Variants in CDH23 observed in about 807,000 individuals in gnomAD.
The protein encoded by CDH23 is cadherin-23.
In CDH23, 189 loss-of-function variants were observed where a neutral mutation model predicts 317.1. The ratio of observed to expected loss-of-function variants is 0.60; its 90% CI spans 0.53 to 0.67. The LOEUF is 0.67. Among genes scored for constraint, CDH23 ranks in the 30% least tolerant of loss-of-function variants. The probability of loss-of-function intolerance (pLI) is 0.00; values close to 1 mark genes in which losing one functional copy is unlikely to be tolerated. For missense variants in CDH23, 4,401 were observed against 4,592.4 expected (o/e 0.96, Z 1.20); for synonymous variants, 1,839 against 1,876.8 (o/e 0.98, Z 0.52).
In CDH23 at chr10:71,709,121, A is replaced by C; in HGVS notation, c.3130A>C (p.Ser1044Arg). 2 of 1,613,896 alleles carry C rather than the reference A, an allele frequency of 1.2e-6. No homozygotes were observed. The highest frequency in any genetic ancestry group is 1.7e-6 in the Non-Finnish European group (2 of 1,179,898). ...ITGGNVDGKFSVGYRDAVVRT... is the reference protein window; with the variant it reads ...ITGGNVDGKFRVGYRDAVVRT... ...AGGTGGCAACGTGGATGGGAAGTTC[A>C]GCGTGGGTTACCGCGATGCCGTTGT... The change falls in exon 27 of 70, where the codon AGC becomes CGC. Residue 1044 changes from serine to arginine, a missense_variant. This residue lies in a region of CDH23 where 3,068 missense variants were observed against 3,203.3 expected (regional missense o/e 0.96). Coordinates refer to ENST00000224721, the MANE Select transcript of CDH23 (RefSeq NM_022124.6).
chr10:71,598,060 A>T (rs1168672010), intron 9 of CDH23, among the ~76,000 whole-genome samples: 1 of 152,192 alleles, frequency 6.6e-6, no homozygotes, highest in Non-Finnish European at 1.5e-5. Flanking sequence ...GTCGACAGGG[A>T]CCAAGCATGG....
At chr10:71,441,008 G>C (rs1019251203) in intron 2 of CDH23, among the ~76,000 whole-genome samples, 1 of 152,168 alleles carries the variant, frequency 6.6e-6, no homozygotes, top group Non-Finnish European at 1.5e-5. Context: ...TGTTTGAAGG[G>C]ATCCCTACTG....
chr10:71,430,804 A>G (rs1475981937), intron 1 of CDH23, among the ~76,000 whole-genome samples: 2 of 151,664 alleles, frequency 1.3e-5, no homozygotes, highest in Non-Finnish European at 2.9e-5. Flanking sequence ...TGGGTGACAG[A>G]AAAAAAACAA....
Position 71,410,888 on chromosome 10 carries a change from T to A in CDH23, c.-6+13570T>A, listed in dbSNP as rs1053132108. Among the ~76,000 whole-genome samples the A allele has an allele frequency of 2.0e-5, 3 of 152,246 alleles. 1 individual carries two copies. Among genetic ancestry groups the A allele is most frequent in the East Asian group, 1.9e-4 (1 of 5,202 alleles). ...TTCATCCATTCTACTGTTGTTGGAC[T>A]GGCGGGTTGCTTTTATTCTTGGCTA... On this transcript the variant is annotated intron_variant, in intron 1 of 69. Coordinates refer to ENST00000224721, the MANE Select transcript of CDH23 (RefSeq NM_022124.6).
chr10:71,572,861 C>A (rs1857912140), intron 8 of CDH23, among the ~76,000 whole-genome samples: 1 of 152,216 alleles, frequency 6.6e-6, no homozygotes, highest in Non-Finnish European at 1.5e-5. Context: ...GTCTCTGGGA[C>A]ATGATCTCAT....
intron 34 of CDH23, among the ~76,000 whole-genome samples, chr10:71,735,981 C>T (rs775028204): frequency 3.3e-5 from 5 of 152,264 alleles, no homozygotes; most frequent in African/African-American, 1.2e-4. Context: ...GAGCCTCACC[C>T]TCTTCATTCA....
rs886044299 is a variant in CDH23, at chr10:71,812,599, C to A, written c.9500C>A (p.Thr3167Lys). The A allele has an allele frequency of 4.3e-6, 7 of 1,613,958 alleles. No homozygotes were observed. Among genetic ancestry groups the A allele is most frequent in the African/African-American group, 1.3e-5 (1 of 75,066 alleles). Reference sequence around the variant, plus strand: ...ATCGCCGACCTGTGGAACAGCCCCACGCGCACCCATGTGAGCCAGAGGCGG... The same window carrying A: ...ATCGCCGACCTGTGGAACAGCCCCAAGCGCACCCATGTGAGCCAGAGGCGG... The part of the protein sequence containing the change: ...SEIADLWNSP[T>K]RTHGTFGREP... The change falls in exon 67 of 70, where the codon ACG becomes AAG. Residue 3167 changes from threonine to lysine, a missense_variant. Physicochemically the swap from Thr to Lys is moderately conservative, Grantham distance 78. Coordinates refer to ENST00000224721, the MANE Select transcript of CDH23 (RefSeq NM_022124.6).
intron 11 of CDH23, among the ~76,000 whole-genome samples, chr10:71,632,307 A>G (rs1358805296): frequency 6.6e-6 from 1 of 152,122 alleles, no homozygotes; most frequent in African/African-American, 2.4e-5. Context: ...ACCCTCCTAT[A>G]CAGCTAGAAA....
intron 27 of CDH23, among the ~76,000 whole-genome samples, chr10:71,709,908 A>G (rs893206441): frequency 2.0e-5 from 3 of 152,162 alleles, no homozygotes; most frequent in Admixed American, 6.5e-5. Context: ...GGCAAGGAGG[A>G]GCAAGTCCTG....
intron 38 of CDH23, among the ~76,000 whole-genome samples, chr10:71,777,131 G>A (rs1265702391): frequency 6.6e-6 from 1 of 152,228 alleles, no homozygotes; most frequent in Non-Finnish European, 1.5e-5. Flanking sequence ...TTCTGCCCAC[G>A]AAATTGCCAC....
chr10:71,732,488 C>G (rs1372817313), intron 32 of CDH23, 113 bp downstream of exon 32: 2 of 1,453,938 alleles, frequency 1.4e-6, no homozygotes, highest in Non-Finnish European at 1.9e-6. Flanking sequence ...TTGAGATGGC[C>G]AAGTGTGGTG....
intron 26 of CDH23, chr10:71,707,489 T>G: frequency 9.0e-7 from 1 of 1,106,086 alleles, no homozygotes; most frequent in Non-Finnish European, 1.1e-6. Context: ...TCTCCCTAAA[T>G]GAAATGGTTT....
At chr10:71,493,713 T>G (rs1852793654) in intron 3 of CDH23, among the ~76,000 whole-genome samples, 1 of 152,184 alleles carries the variant, frequency 6.6e-6, no homozygotes, top group Admixed American at 6.5e-5. Flanking sequence ...CTGTTCAGAT[T>G]TTTTTTCTAA....
At chr10:71,569,539 A>T (rs1427390305) in intron 7 of CDH23, among the ~76,000 whole-genome samples, 3 of 152,230 alleles carry the variant, frequency 2.0e-5, no homozygotes, top group Non-Finnish European at 4.4e-5. Flanking sequence ...AAAAGAACTC[A>T]TTTGAGGTTA....
chr10:71,776,808 A>T (rs1457995010), intron 38 of CDH23, among the ~76,000 whole-genome samples: 2 of 152,224 alleles, frequency 1.3e-5, no homozygotes, highest in African/African-American at 2.4e-5. Flanking sequence ...CTTTCTCCCC[A>T]CTGCTTTCAT....
At chr10:71,722,091 G>T (rs909397054) in intron 28 of CDH23, among the ~76,000 whole-genome samples, 1 of 152,172 alleles carries the variant, frequency 6.6e-6, no homozygotes, top group Non-Finnish European at 1.5e-5. Flanking sequence ...AGTGAGCAAC[G>T]ATAGGAAAGC....
chr10:71,715,821 G>T, intron 28 of CDH23: 1 of 1,030,126 alleles, frequency 9.7e-7, no homozygotes, highest in Non-Finnish European at 1.3e-6. Flanking sequence ...GGGTGAGTGT[G>T]TGTCCCAGAC....
intron 3 of CDH23, among the ~76,000 whole-genome samples, chr10:71,470,882 A>G (rs928393091): frequency 6.6e-6 from 1 of 152,228 alleles, no homozygotes; most frequent in Non-Finnish European, 1.5e-5. Context: ...GATGTTGAGC[A>G]TCTTTTCATG....
In CDH23 at chr10:71,798,373, C is replaced by T. The variant is rs1178851873; in HGVS notation, c.6849C>T (p.Val2283=). 6.2e-7 allele frequency: 1 copy of T among 1,613,842 alleles called. No individual in the cohort carries two copies. Among genetic ancestry groups the T allele is most frequent in the South Asian group, 1.1e-5 (1 of 91,088 alleles). ...CCACAGCCAAGCTGACTGTCAACGT[C>T]CTGGACGTCAATGACAATACGCCCC... The part of the protein sequence containing the change: ...SVPNAKLTVN[V]LDVNDNTPQF... Residue 2283 remains valine (V), a synonymous_variant, in exon 50 of 70, where the codon GTC becomes GTT. Transcript: ENST00000224721.
Sources: gnomAD v4.1 joint callset for allele counts (sites outside exome capture counted in the v4.1 genomes callset) on GRCh38, gnomAD v4.1.1 for gene constraint, gnomAD v4.1.1 regional missense constraint, MANE v1.5 for transcripts, NCBI Gene and HGNC (gene_info 2026-07-23, HGNC 2026-07-21) for gene names.